Variants in EPYC observed in about 807,000 individuals in gnomAD.
The protein encoded by EPYC is dermatan sulfate proteoglycan 3.
EPYC carries 28 observed loss-of-function variants against 30.1 expected under a neutral mutation model. The observed-to-expected ratio is 0.93, with a 90% CI of 0.69 to 1.28. The LOEUF (loss-of-function observed/expected upper bound fraction) is 1.28, where lower values mean the gene tolerates loss of function less well. Ranked by LOEUF, EPYC falls within the 50% of genes most tolerant of loss-of-function variation. The pLI is 0.00. For synonymous variants in EPYC, 144 were observed against 141.4 expected, an observed-to-expected ratio of 1.02 and a Z score of -0.13; for missense variants, 382 against 383.5, an observed-to-expected ratio of 1.00 and a Z score of 0.03.
intron 6 of EPYC, among the ~76,000 whole-genome samples, chr12:90,966,400 C>T (rs568695163): frequency 6.6e-6 from 1 of 152,092 alleles, no homozygotes; most frequent in African/African-American, 2.4e-5. Flanking sequence ...TTGAAATAAT[C>T]ATATGGTTTT....
intron 2 of EPYC, among the ~76,000 whole-genome samples, chr12:90,982,836 T>C (rs1210277002): frequency 6.6e-6 from 1 of 152,174 alleles, no homozygotes; most frequent in Non-Finnish European, 1.5e-5. Flanking sequence ...TTTTTGTGTC[T>C]GAATAGTATT....
intron 2 of EPYC, among the ~76,000 whole-genome samples, chr12:90,984,535 T>A (rs1205652725): frequency 2.0e-5 from 3 of 152,246 alleles, no homozygotes; most frequent in East Asian, 3.9e-4. Flanking sequence ...AATGGCCACC[T>A]GAGGGAAGTA....
chr12:90,996,790 GTTTTTAC>G, intron 2 of EPYC, among the ~76,000 whole-genome samples: 1 of 152,070 alleles, frequency 6.6e-6, no homozygotes, highest in African/African-American at 2.4e-5. Flanking sequence ...TCTATGACCA[GTTTTTAC>G]TAATATTCCT....
At chr12:90,986,164 A>C (rs753199977) in intron 2 of EPYC, among the ~76,000 whole-genome samples, 3 of 152,014 alleles carry the variant, frequency 2.0e-5, no homozygotes, top group Non-Finnish European at 4.4e-5. Flanking sequence ...TGCTTGAGGA[A>C]GGAATCAACC....
At chr12:90,964,686 G>A (rs549579946) in intron 6 of EPYC, among the ~76,000 whole-genome samples, 36 of 152,064 alleles carry the variant, frequency 2.4e-4, no homozygotes, top group Admixed American at 1.4e-3. Context: ...AGAAGAAAAA[G>A]GCATGGAAAA....
intron 1 of EPYC, among the ~76,000 whole-genome samples, chr12:91,003,145 T>G (rs1380857178): frequency 6.6e-6 from 1 of 152,158 alleles, no homozygotes; most frequent in Non-Finnish European, 1.5e-5. Flanking sequence ...TCTTGTACAT[T>G]TAAGTCTAAG....
chr12:90,966,279 T>C (rs1876893093), intron 6 of EPYC, among the ~76,000 whole-genome samples: 1 of 152,074 alleles, frequency 6.6e-6, no homozygotes, highest in Non-Finnish European at 1.5e-5. Flanking sequence ...GAGTTATTTA[T>C]AGATGTTCTT....
chr12:90,996,246 A>T lies in EPYC; in HGVS notation c.165+6155T>A, dbSNP rs373688787. On this transcript the variant is annotated intron_variant, in intron 2 of 6. Transcript: ENST00000261172. ...TATTTAGAAAAACTAATGTTAAGATACTTTTTATATATCATTATCTAAAAT... is the reference window on the plus strand; with the variant it reads ...TATTTAGAAAAACTAATGTTAAGATTCTTTTTATATATCATTATCTAAAAT... Among the ~76,000 whole-genome samples, 13 of 151,978 alleles carry T rather than the reference A, an allele frequency of 8.6e-5. No individual in the cohort carries two copies. In the East Asian group the frequency reaches 1.5e-3, roughly 18 times the overall value.
Position 90,964,017 on chromosome 12 carries a change from C to A in EPYC, c.*139G>T. On this transcript the variant is annotated 3_prime_UTR_variant, in exon 7 of 7. Coordinates refer to ENST00000261172, the MANE Select transcript of EPYC (RefSeq NM_004950.5). ...TTAAATTACTACATTTTCATTATAA[C>A]ATTTTTAATTGTATTTTATGTAGTC... 2.4e-6 allele frequency: 1 copy of A among 412,970 alleles called. No individual in the cohort carries two copies. Among genetic ancestry groups the A allele is most frequent in the Non-Finnish European group, 4.2e-6 (1 of 237,272 alleles). 25.6% of individuals were successfully genotyped at this position (412,970 alleles called of 1,614,324 possible). A position where few individuals can be genotyped will look rare whatever the true frequency, so the allele number is the denominator to read the frequency against.
intron 2 of EPYC, among the ~76,000 whole-genome samples, chr12:91,001,768 C>T (rs1877827528): frequency 6.6e-6 from 1 of 152,102 alleles, no homozygotes; most frequent in Admixed American, 6.6e-5. Context: ...TCATTGCGTG[C>T]ATACCATTTT....
At chr12:90,992,620 AG>A (rs1354085006) in intron 2 of EPYC, among the ~76,000 whole-genome samples, 1 of 152,204 alleles carries the variant, frequency 6.6e-6, no homozygotes, top group East Asian at 1.9e-4. Flanking sequence ...GAGAAACTTC[AG>A]GTAAGACTGG....
chr12:90,991,131 G>T (rs1877576334), intron 2 of EPYC, among the ~76,000 whole-genome samples: 1 of 152,066 alleles, frequency 6.6e-6, no homozygotes, highest in African/African-American at 2.4e-5. Context: ...ACGTGCCAAG[G>T]AATGGAGTAT....
chr12:91,002,706 A>G (rs991986874), intron 1 of EPYC, 128 bp from the exon 2 acceptor site: 4 of 672,984 alleles, frequency 5.9e-6, no homozygotes, highest in African/African-American at 3.7e-5. Flanking sequence ...TCCATGGATA[A>G]TTTATAAACA....
At chr12:90,975,854 A>G (rs1488206688) in intron 3 of EPYC, among the ~76,000 whole-genome samples, 1 of 152,132 alleles carries the variant, frequency 6.6e-6, no homozygotes, top group African/African-American at 2.4e-5. Flanking sequence ...CTACACAGAA[A>G]TTTAACTACA....
intron 2 of EPYC, among the ~76,000 whole-genome samples, chr12:90,994,030 CAT>C (rs1189004369): frequency 2.0e-5 from 3 of 152,068 alleles, no homozygotes; most frequent in African/African-American, 7.2e-5. Flanking sequence ...ATCTCGTATA[CAT>C]ATATCTTATA....
At chr12:90,970,726 G>T (rs1404435650) in intron 5 of EPYC, among the ~76,000 whole-genome samples, 1 of 152,214 alleles carries the variant, frequency 6.6e-6, no homozygotes, top group Non-Finnish European at 1.5e-5. Flanking sequence ...GCTATAGTGA[G>T]ATGCCCTAAC....
intron 3 of EPYC, among the ~76,000 whole-genome samples, chr12:90,977,820 C>T (rs1877222583): frequency 6.6e-6 from 1 of 152,138 alleles, no homozygotes; most frequent in South Asian, 2.1e-4. Context: ...TCTACAAATA[C>T]ATTCCACCAC....
chr12:90,981,107 C>T (rs976615555), intron 2 of EPYC, among the ~76,000 whole-genome samples: 1 of 152,070 alleles, frequency 6.6e-6, no homozygotes, highest in African/African-American at 2.4e-5. Context: ...GTCCATGAAA[C>T]AGTATATCTA....
chr12:90,964,168 C>T lies in EPYC; in HGVS notation c.957G>A (p.Gly319=). The part of the protein sequence containing the change: ...AYMCLPRLPV[G]SLV ...CCATTATCTGAAATTAGACAAGGCT[C>T]CCAACAGGCAGACGAGGTAGACACA... The change falls in exon 7 of 7, where the codon GGG becomes GGA. Residue 319 remains glycine, a synonymous_variant. Transcript: ENST00000261172. 6.2e-7 allele frequency: 1 copy of T among 1,611,448 alleles called. No individual in the cohort carries two copies. The highest frequency in any genetic ancestry group is 1.1e-5 in the South Asian group (1 of 90,540).
Sources: allele counts gnomAD v4.1 joint callset (sites outside exome capture counted in the v4.1 genomes callset), GRCh38; gene constraint gnomAD v4.1.1; transcripts MANE v1.5; gene names NCBI Gene and HGNC (gene_info 2026-07-23, HGNC 2026-07-21).